ZXDB: variants seen among roughly 807,000 people sequenced by gnomAD.
The protein encoded by ZXDB is zinc finger X-linked duplicated B.
For missense variants in ZXDB, 413 were observed against 679.1 expected (o/e 0.61, Z 4.36); for synonymous variants, 273 against 314.3 (o/e 0.87, Z 1.39).
rs751690434 is a variant in ZXDB, at chrX:57,592,967, C to A, written c.919C>A (p.Pro307Thr). The A allele has an allele frequency of 5.0e-6, 6 of 1,206,319 alleles. No homozygotes were observed. The East Asian group carries it at 1.8e-4, about 36-fold the overall frequency. The change falls in exon 1 of 1, where the codon CCC becomes ACC. Residue 307 changes from proline to threonine, a missense_variant. Physicochemically the swap from Pro to Thr is conservative, Grantham distance 38 (BLOSUM62 -1). Coordinates refer to ENST00000374888, the MANE Select transcript of ZXDB (RefSeq NM_007157.4). ...CCAGGGCCAGAGGCCCTTCAAATGC[C>A]CCCTGGGTGGCTGCGGCTGGACCTT... ...SSQGQRPFKC[P>T]LGGCGWTFTT...
chrX:57,592,210 G>A lies in ZXDB; in HGVS notation c.162G>A (p.Gly54=), dbSNP rs1435181755. The part of the protein sequence containing the change: ...LLLLRGPQDG[G]PGRRREEAST... Reference sequence around the variant, plus strand: ...TGCTCCGGGGCCCCCAAGATGGCGGGCCCGGGCGGCGGCGCGAGGAGGCCA... The same window carrying A: ...TGCTCCGGGGCCCCCAAGATGGCGGACCCGGGCGGCGGCGCGAGGAGGCCA... Residue 54 remains glycine (G), a synonymous_variant, in exon 1 of 1, where the codon GGG becomes GGA. Coordinates refer to ENST00000374888, the MANE Select transcript of ZXDB (RefSeq NM_007157.4). The A allele has an allele frequency of 3.7e-6, 4 of 1,071,864 alleles. No individual in the cohort carries two copies. The highest frequency in any genetic ancestry group is 5.0e-5 in the South Asian group (2 of 39,694). 88.3% of individuals were successfully genotyped at this position (1,071,864 alleles called of 1,213,427 possible).
chrX:57,592,421 C>A lies in ZXDB; in HGVS notation c.373C>A (p.Pro125Thr), dbSNP rs1241260977. 2 of 1,165,422 alleles carry A rather than the reference C, an allele frequency of 1.7e-6. No individual in the cohort carries two copies. ...GTTGAGGGAGGAGGCCGAGGAGGGC[C>A]CGGGGCTCCAGGGGGGCGAGAGCGG... ...PVLREEAEEGPGLQGGESGAN... is the reference protein window; with the variant it reads ...PVLREEAEEGTGLQGGESGAN... Residue 125 changes from proline to threonine, a missense_variant, in exon 1 of 1, where the codon CCG becomes ACG. Coordinates refer to ENST00000374888, the MANE Select transcript of ZXDB (RefSeq NM_007157.4).
chrX:57,594,802 C>T lies in ZXDB; in HGVS notation c.*342C>T, dbSNP rs1194578022. On this transcript the variant is annotated 3_prime_UTR_variant, in exon 1 of 1. Coordinates refer to ENST00000374888, the MANE Select transcript of ZXDB (RefSeq NM_007157.4). Reference sequence around the variant, plus strand: ...GGACGTTTTTCAGTGATGTGGCATGCGTTTTTTTTTAACTGCCCCCCCAGC... The same window carrying T: ...GGACGTTTTTCAGTGATGTGGCATGTGTTTTTTTTTAACTGCCCCCCCAGC... 1 of 169,457 alleles carries T rather than the reference C, an allele frequency of 5.9e-6. No individual in the cohort carries two copies. The highest frequency in any genetic ancestry group is 1.2e-5 in the Non-Finnish European group (1 of 84,097). The allele number at this position is 169,457 out of a possible 1,213,427, so 14.0% of individuals were successfully genotyped here.
chrX:57,594,416 G>C lies in ZXDB; in HGVS notation c.2368G>C (p.Glu790Gln). The change falls in exon 1 of 1, where the codon GAA becomes CAA. Residue 790 changes from glutamate (E) to glutamine (Q), a missense_variant. Transcript: ENST00000374888. ...NAAGNHGSQK[E>Q]TDLITVTGSS... is the part of the protein sequence containing the mutation. The stretch of plus-strand genomic sequence containing the variant: ...AGCAGGAAACCATGGTTCTCAGAAA[G>C]AAACAGATCTTATCACTGTGACTGG... 8.3e-7 allele frequency: 1 copy of C among 1,211,126 alleles called. No individual in the cohort carries two copies. Among genetic ancestry groups the C allele is most frequent in the African/African-American group, 1.7e-5 (1 of 57,785 alleles).
rs760345223 is a variant in ZXDB, at chrX:57,592,771, A to T, written c.723A>T (p.Pro241=). Residue 241 remains proline, a synonymous_variant, in exon 1 of 1, where the codon CCA becomes CCT. Transcript: ENST00000374888. ...TAGCTGAGCCGGCCGAACCCGCGCCAGCTCCGGCGCCTGAGGAGGAGGCGG... is the reference window on the plus strand; with the variant it reads ...TAGCTGAGCCGGCCGAACCCGCGCCTGCTCCGGCGCCTGAGGAGGAGGCGG... ...LLLAEPAEPA[P]APAPEEEAEG... is the part of the protein sequence containing the mutation. The T allele has an allele frequency of 8.9e-5, 102 of 1,149,801 alleles. No homozygotes were observed. The highest frequency in any genetic ancestry group is 1.9e-4 in the Admixed American group (7 of 36,051). 94.8% of individuals were successfully genotyped at this position (1,149,801 alleles called of 1,213,427 possible).
rs944384224 is a variant in ZXDB at position 57,596,786 on chromosome X, A to G, written c.*2326A>G. 8.2e-6 allele frequency: 1 copy of G among 122,392 alleles called. No homozygotes were observed. Among genetic ancestry groups the G allele is most frequent in the Non-Finnish European group, 1.9e-5 (1 of 53,077 alleles). The allele number at this position is 122,392 out of a possible 1,213,427, so 10.1% of individuals were successfully genotyped here. On this transcript the variant is annotated 3_prime_UTR_variant, in exon 1 of 1. Transcript: ENST00000374888. ...TTCTGTCCTCTTTTATAATGGATAT[A>G]TCTTTTTCCTGCCATTATCCCTCAG...
At position 57,592,402 on chromosome X, in the gene ZXDB, G is replaced by C. The variant is rs2057895995; in HGVS notation, c.354G>C (p.Arg118Ser). The change falls in exon 1 of 1, where the codon AGG (arginine) becomes AGC (serine). Residue 118 changes from arginine (R) to serine (S), a missense_variant. Transcript: ENST00000374888. Reference protein sequence around the residue: ...GSGQAAGPVLREEAEEGPGLQ... With the variant: ...GSGQAAGPVLSEEAEEGPGLQ... ...GTCAGGCCGCAGGGCCTGTGTTGAG[G>C]GAGGAGGCCGAGGAGGGCCCGGGGC... The C allele has an allele frequency of 1.7e-6, 2 of 1,174,435 alleles. No homozygotes were observed. The highest frequency in any genetic ancestry group is 2.3e-5 in the Admixed American group (1 of 43,199).
rs1323177644 is a variant in ZXDB, at chrX:57,596,547, C to G, written c.*2087C>G. ...GTAATTTAGCCAACTCCCATTCCAACTAGGCTTTGGCTAAATCTGACAATT... is the reference window on the plus strand; with the variant it reads ...GTAATTTAGCCAACTCCCATTCCAAGTAGGCTTTGGCTAAATCTGACAATT... On this transcript the variant is annotated 3_prime_UTR_variant, in exon 1 of 1. Coordinates refer to ENST00000374888, the MANE Select transcript of ZXDB (RefSeq NM_007157.4). 1 of 123,507 alleles carries G rather than the reference C, an allele frequency of 8.1e-6. No individual in the cohort carries two copies. Among genetic ancestry groups the G allele is most frequent in the East Asian group, 2.8e-4 (1 of 3,585 alleles). 10.2% of individuals were successfully genotyped at this position (123,507 alleles called of 1,213,427 possible).
Position 57,592,441 on chromosome X carries a change from G to C in ZXDB, c.393G>C (p.Glu131Asp), listed in dbSNP as rs1159164433. 7.8e-6 allele frequency: 9 copies of C among 1,160,258 alleles called. No individual in the cohort carries two copies. The highest frequency in any genetic ancestry group is 8.0e-6 in the Non-Finnish European group (7 of 873,776). Residue 131 changes from glutamate (E) to aspartate (D), a missense_variant, in exon 1 of 1, where the codon GAG (glutamate) becomes GAC (aspartate). Glu to Asp is a conservative substitution (Grantham distance 45). Coordinates refer to ENST00000374888, the MANE Select transcript of ZXDB (RefSeq NM_007157.4). ...AEEGPGLQGG[E>D]SGANPAGPTA... ...AGGGCCCGGGGCTCCAGGGGGGCGA[G>C]AGCGGCGCGAATCCCGCGGGGCCCA...
chrX:57,594,708 T>C lies in ZXDB; in HGVS notation c.*248T>C, dbSNP rs770890800. The C allele has an allele frequency of 6.6e-5, 22 of 332,565 alleles. No homozygotes were observed. Among genetic ancestry groups the C allele is most frequent in the African/African-American group, 4.3e-4 (16 of 37,516 alleles). 27.4% of individuals were successfully genotyped at this position (332,565 alleles called of 1,213,427 possible). ...TATTTATAAATTGAGGTGGTTTGAATAGATTGCTTTTAAGGTCTTTCTGCT... is the reference window on the plus strand; with the variant it reads ...TATTTATAAATTGAGGTGGTTTGAACAGATTGCTTTTAAGGTCTTTCTGCT... On this transcript the variant is annotated 3_prime_UTR_variant, in exon 1 of 1. Transcript: ENST00000374888.
At position 57,592,739 on chromosome X, in the gene ZXDB, C is replaced by A; in HGVS notation, c.691C>A (p.Leu231Ile). Reference sequence around the variant, plus strand: ...TGACTGCCCAGAGCTGCCGCCAGACCTCCTGCTAGCTGAGCCGGCCGAACC... The same window carrying A: ...TGACTGCCCAGAGCTGCCGCCAGACATCCTGCTAGCTGAGCCGGCCGAACC... ...PGDCPELPPD[L>I]LLAEPAEPAP... The change falls in exon 1 of 1, where the codon CTC becomes ATC. Residue 231 changes from leucine to isoleucine, a missense_variant. Transcript: ENST00000374888. 8.6e-7 allele frequency: 1 copy of A among 1,164,514 alleles called. No individual in the cohort carries two copies. Among genetic ancestry groups the A allele is most frequent in the Non-Finnish European group, 1.1e-6 (1 of 875,336 alleles).
At position 57,596,783 on chromosome X, in the gene ZXDB, T is replaced by C. The variant is rs1048130165; in HGVS notation, c.*2323T>C. On this transcript the variant is annotated 3_prime_UTR_variant, in exon 1 of 1. Transcript: ENST00000374888. Reference sequence around the variant, plus strand: ...CCTTTCTGTCCTCTTTTATAATGGATATATCTTTTTCCTGCCATTATCCCT... The same window carrying C: ...CCTTTCTGTCCTCTTTTATAATGGACATATCTTTTTCCTGCCATTATCCCT... 23 of 122,613 alleles carry C rather than the reference T, an allele frequency of 1.9e-4. No individual in the cohort carries two copies. Among genetic ancestry groups the C allele is most frequent in the African/African-American group, 7.5e-4 (23 of 30,608 alleles). The allele number at this position is 122,613 out of a possible 1,213,427, so 10.1% of individuals were successfully genotyped here.
rs2057897247 is a variant in ZXDB, at chrX:57,592,505, C to A, written c.457C>A (p.Pro153Thr). 2 of 1,183,240 alleles carry A rather than the reference C, an allele frequency of 1.7e-6. No homozygotes were observed. Among genetic ancestry groups the A allele is most frequent in the Non-Finnish European group, 2.3e-6 (2 of 883,199 alleles). ...GPRCLSAVPT[P>T]APISAPGPAA... is the part of the protein sequence containing the mutation. Reference sequence around the variant, plus strand: ...CCGCTGCCTGTCCGCGGTTCCCACTCCGGCCCCGATCTCCGCCCCCGGCCC... The same window carrying A: ...CCGCTGCCTGTCCGCGGTTCCCACTACGGCCCCGATCTCCGCCCCCGGCCC... Residue 153 changes from proline (P) to threonine (T), a missense_variant, in exon 1 of 1, where the codon CCG becomes ACG. Physicochemically the swap from Pro to Thr is conservative, Grantham distance 38. Coordinates refer to ENST00000374888, the MANE Select transcript of ZXDB (RefSeq NM_007157.4).
At position 57,593,502 on chromosome X, in the gene ZXDB, T is replaced by C; in HGVS notation, c.1454T>C (p.Met485Thr). Residue 485 changes from methionine to threonine, a missense_variant, in exon 1 of 1, where the codon ATG becomes ACG. Physicochemically the swap from Met to Thr is moderately conservative, Grantham distance 81. Transcript: ENST00000374888. ...AAGCACGACGATGACCGGAGGTTCA[T>C]GTGCCCTGTGGAAGGCTGTGGGAAA... Reference protein sequence around the residue: ...KRKHDDDRRFMCPVEGCGKSF... With the variant: ...KRKHDDDRRFTCPVEGCGKSF... The C allele has an allele frequency of 8.3e-7, 1 of 1,211,809 alleles. No homozygotes were observed. Among genetic ancestry groups the C allele is most frequent in the Non-Finnish European group, 1.1e-6 (1 of 895,536 alleles).
rs1363184413 is a variant in ZXDB at position 57,593,843 on chromosome X, CAG to C, written c.1797_1798del (p.Asn600Ter). On this transcript the variant is annotated frameshift_variant, in exon 1 of 1. Coordinates refer to ENST00000374888, the MANE Select transcript of ZXDB (RefSeq NM_007157.4). LOFTEE classifies it low-confidence loss of function (END_TRUNC). ...TPSSELTSQR[Q>X]NDLSDAEIVS... ...CAGCAGTGAACTTACCAGCCAGAGACAGAATGATCTCAGTGATGCAGAGATAG... is the reference window on the plus strand; with the variant it reads ...CAGCAGTGAACTTACCAGCCAGAGACAATGATCTCAGTGATGCAGAGATAG... 1 of 1,207,358 alleles carries C rather than the reference CAG, an allele frequency of 8.3e-7. No individual in the cohort carries two copies. The highest frequency in any genetic ancestry group is 1.8e-5 in the African/African-American group (1 of 56,349).
Position 57,596,902 on chromosome X carries a change from A to G in ZXDB, c.*2442A>G, listed in dbSNP as rs917936690. 9 of 123,774 alleles carry G rather than the reference A, an allele frequency of 7.3e-5. No homozygotes were observed. The highest frequency in any genetic ancestry group is 1.7e-4 in the Non-Finnish European group (9 of 53,341). The allele number at this position is 123,774 out of a possible 1,213,427, so 10.2% of individuals were successfully genotyped here. The stretch of plus-strand genomic sequence containing the variant: ...GCATACAGGAAGAAGTTATTTTCTG[A>G]GCTTAGATAATACTATGTGTATATG... On this transcript the variant is annotated 3_prime_UTR_variant, in exon 1 of 1. Coordinates refer to ENST00000374888, the MANE Select transcript of ZXDB (RefSeq NM_007157.4).
chrX:57,592,384 C>G lies in ZXDB; in HGVS notation c.336C>G (p.Ala112=), dbSNP rs770778943. 15 of 1,184,421 alleles carry G rather than the reference C, an allele frequency of 1.3e-5. No individual in the cohort carries two copies. The highest frequency in any genetic ancestry group is 1.7e-5 in the Non-Finnish European group (15 of 886,311). Residue 112 remains alanine (A), a synonymous_variant, in exon 1 of 1, where the codon GCC becomes GCG. Coordinates refer to ENST00000374888, the MANE Select transcript of ZXDB (RefSeq NM_007157.4). ...GDVETAGSGQ[A]AGPVLREEAE... Reference sequence around the variant, plus strand: ...TGGAGACCGCGGGCTCCGGTCAGGCCGCAGGGCCTGTGTTGAGGGAGGAGG... The same window carrying G: ...TGGAGACCGCGGGCTCCGGTCAGGCGGCAGGGCCTGTGTTGAGGGAGGAGG...
chrX:57,592,764 C>T lies in ZXDB; in HGVS notation c.716C>T (p.Pro239Leu), dbSNP rs747677289. 2 of 1,154,522 alleles carry T rather than the reference C, an allele frequency of 1.7e-6. No homozygotes were observed. The highest frequency in any genetic ancestry group is 4.0e-5 in the South Asian group (2 of 50,567). Residue 239 changes from proline (P) to leucine (L), a missense_variant, in exon 1 of 1, where the codon CCC becomes CTC. Physicochemically the swap from Pro to Leu is moderately conservative, Grantham distance 98. Transcript: ENST00000374888. ...CTCCTGCTAGCTGAGCCGGCCGAAC[C>T]CGCGCCAGCTCCGGCGCCTGAGGAG... ...PDLLLAEPAEPAPAPAPEEEA... is the reference protein window; with the variant it reads ...PDLLLAEPAELAPAPAPEEEA...
chrX:57,594,687 T>A lies in ZXDB; in HGVS notation c.*227T>A. Reference sequence around the variant, plus strand: ...CTATCTGAGCCTTAATTTCCTTATTTATAAATTGAGGTGGTTTGAATAGAT... The same window carrying A: ...CTATCTGAGCCTTAATTTCCTTATTAATAAATTGAGGTGGTTTGAATAGAT... On this transcript the variant is annotated 3_prime_UTR_variant, in exon 1 of 1. Coordinates refer to ENST00000374888, the MANE Select transcript of ZXDB (RefSeq NM_007157.4). 1 of 396,947 alleles carries A rather than the reference T, an allele frequency of 2.5e-6. No homozygotes were observed. Among genetic ancestry groups the A allele is most frequent in the Non-Finnish European group, 4.3e-6 (1 of 232,722 alleles). The allele number at this position is 396,947 out of a possible 1,213,427, so 32.7% of individuals were successfully genotyped here.
Sources: allele counts gnomAD v4.1 joint callset, GRCh38; gene constraint gnomAD v4.1.1; transcripts MANE v1.5; gene names NCBI Gene and HGNC (gene_info 2026-07-23, HGNC 2026-07-21).